Variants in TBCK observed in about 807,000 individuals in gnomAD.
TBCK encodes the protein TBC domain-containing protein kinase-like protein.
A neutral mutation model predicts 113.4 loss-of-function variants in TBCK; 99 were observed. That is an observed-to-expected ratio of 0.87 (90% CI 0.74 to 1.03). The LOEUF is 1.03. Ranked by LOEUF, TBCK falls within the 50% of genes least tolerant of loss-of-function variation. TBCK has a pLI of 0.00. For synonymous variants in TBCK, 369 were observed against 370.8 expected (o/e 1.00, Z 0.05); for missense variants, 1,045 against 1,061.3 (o/e 0.98, Z 0.21).
intron 3 of TBCK, among the ~76,000 whole-genome samples, chr4:106,263,179 AT>A (rs559838961): frequency 9.2e-5 from 14 of 151,792 alleles, no homozygotes; most frequent in South Asian, 6.2e-4. Context: ...CTTTCTATCC[AT>A]TTTTTTTAAA....
intron 23 of TBCK, among the ~76,000 whole-genome samples, chr4:106,131,502 A>G (rs1182710923): frequency 6.6e-6 from 1 of 152,224 alleles, no homozygotes; most frequent in Admixed American, 6.5e-5. Context: ...AATCCCAGCT[A>G]CTTGGGAGGC....
intron 20 of TBCK, among the ~76,000 whole-genome samples, chr4:106,205,055 G>A (rs944782577): frequency 2.0e-5 from 3 of 152,200 alleles, no homozygotes; most frequent in East Asian, 3.9e-4. Flanking sequence ...GTGAGCCACC[G>A]CGCCCGGCCC....
At chr4:106,162,467 C>T (rs1197719629) in intron 23 of TBCK, among the ~76,000 whole-genome samples, 1 of 152,138 alleles carries the variant, frequency 6.6e-6, no homozygotes, top group African/African-American at 2.4e-5. Context: ...CCAGTGGGGA[C>T]TCTGTGTGGG....
intron 22 of TBCK, among the ~76,000 whole-genome samples, chr4:106,172,554 G>C (rs921880936): frequency 5.3e-5 from 8 of 152,022 alleles, no homozygotes; most frequent in Non-Finnish European, 1.0e-4. Flanking sequence ...TCCAAGTGTC[G>C]GGCTCAGGCA....
At chr4:106,213,948 C>G (rs1201974747) in intron 19 of TBCK, among the ~76,000 whole-genome samples, 3 of 152,214 alleles carry the variant, frequency 2.0e-5, no homozygotes, top group Non-Finnish European at 4.4e-5. Context: ...GCAGTAACCT[C>G]TGCAGACTTA....
At chr4:106,266,996 TCA>T (rs959828031) in intron 3 of TBCK, among the ~76,000 whole-genome samples, 1 of 151,884 alleles carries the variant, frequency 6.6e-6, no homozygotes, top group African/African-American at 2.4e-5. Flanking sequence ...AGAATTAGAT[TCA>T]CACAGTTATA....
chr4:106,086,483 A>T (rs1366598711), intron 25 of TBCK, among the ~76,000 whole-genome samples: 2 of 152,224 alleles, frequency 1.3e-5, no homozygotes, highest in African/African-American at 2.4e-5. Flanking sequence ...ATGGATTCAC[A>T]GCTGAATTCT....
At position 106,308,890 on chromosome 4, in the gene TBCK, C is replaced by T; in HGVS notation, c.71G>A (p.Cys24Tyr). The part of the protein sequence containing the change: ...FFASALPHDV[C>Y]GSNGLPLTPN... The stretch of plus-strand genomic sequence containing the variant: ...TGTGAGAGGAAGTCCATTGCTTCCA[C>T]AAACATCATGTGGCAGAGCCGAGGC... Residue 24 changes from cysteine to tyrosine, a missense_variant, in exon 2 of 26, where the codon TGT becomes TAT. By Grantham distance (194) the Cys-to-Tyr change is radical. Coordinates refer to ENST00000394708, the MANE Select transcript of TBCK (RefSeq NM_001163435.3). The T allele has an allele frequency of 6.2e-6, 10 of 1,614,082 alleles. No homozygotes were observed. Among genetic ancestry groups the T allele is most frequent in the Non-Finnish European group, 8.5e-6 (10 of 1,180,020 alleles).
intron 23 of TBCK, among the ~76,000 whole-genome samples, chr4:106,127,485 T>A (rs1392896693): frequency 6.6e-6 from 1 of 152,078 alleles, no homozygotes; most frequent in Non-Finnish European, 1.5e-5. Flanking sequence ...TTAATCATAT[T>A]ATGAGAACAT....
intron 23 of TBCK, among the ~76,000 whole-genome samples, chr4:106,127,044 C>A (rs1276866353): frequency 6.6e-6 from 1 of 151,166 alleles, no homozygotes. Context: ...CCCATCTCTA[C>A]CAAAAATACA....
chr4:106,098,833 C>T (rs1741231463), intron 24 of TBCK, among the ~76,000 whole-genome samples: 1 of 151,954 alleles, frequency 6.6e-6, no homozygotes, highest in African/African-American at 2.4e-5. Flanking sequence ...TGCAAATAAG[C>T]CATTCAGCTC....
chr4:106,111,393 A>C (rs1742839632), intron 24 of TBCK, among the ~76,000 whole-genome samples: 1 of 152,200 alleles, frequency 6.6e-6, no homozygotes, highest in Non-Finnish European at 1.5e-5. Flanking sequence ...TATAATCATT[A>C]TTGACTTAAA....
chr4:106,092,582 G>GCAGCGCTGGTGGGC (rs1740412170), intron 25 of TBCK, among the ~76,000 whole-genome samples: 1 of 152,240 alleles, frequency 6.6e-6, no homozygotes, highest in Admixed American at 6.5e-5. Flanking sequence ...GAAATCAAGT[G>GCAGCGCTGGTGGGC]CAGCGCTGGT....
chr4:106,108,782 T>G (rs1742489165), intron 24 of TBCK, among the ~76,000 whole-genome samples: 1 of 152,068 alleles, frequency 6.6e-6, no homozygotes, highest in Non-Finnish European at 1.5e-5. Context: ...GAGAAAGAAA[T>G]AAAGCTCATT....
intron 20 of TBCK, among the ~76,000 whole-genome samples, chr4:106,204,465 T>C (rs989625507): frequency 6.6e-6 from 1 of 152,234 alleles, no homozygotes; most frequent in Non-Finnish European, 1.5e-5. Flanking sequence ...TTGATATTTA[T>C]GCTAATGGTG....
intron 25 of TBCK, among the ~76,000 whole-genome samples, chr4:106,070,624 C>G (rs1202052465): frequency 6.6e-6 from 1 of 151,994 alleles, no homozygotes; most frequent in Non-Finnish European, 1.5e-5. Context: ...TGTGTCTCTG[C>G]CAGGCTTTGG....
chr4:106,273,298 C>T (rs1181895895), intron 3 of TBCK, among the ~76,000 whole-genome samples: 1 of 152,152 alleles, frequency 6.6e-6, no homozygotes, highest in Non-Finnish European at 1.5e-5. Flanking sequence ...GAGATATATG[C>T]CTCACAGCAA....
At chr4:106,192,946 G>A (rs777529764) in intron 22 of TBCK, among the ~76,000 whole-genome samples, 2 of 152,044 alleles carry the variant, frequency 1.3e-5, no homozygotes, top group Non-Finnish European at 2.9e-5. Context: ...TGAAGTTTCT[G>A]CAAAAATATA....
chr4:106,083,989 A>G (rs1739213566), intron 25 of TBCK, among the ~76,000 whole-genome samples: 1 of 152,236 alleles, frequency 6.6e-6, no homozygotes, highest in Non-Finnish European at 1.5e-5. Flanking sequence ...GGAAAGAATC[A>G]ACAAAAAAAT....
Sources: allele counts gnomAD v4.1 joint callset (sites outside exome capture counted in the v4.1 genomes callset), GRCh38; gene constraint gnomAD v4.1.1; transcripts MANE v1.5; gene names NCBI Gene and HGNC (gene_info 2026-07-23, HGNC 2026-07-21).